PCDHA6: variants seen among roughly 807,000 people sequenced by gnomAD.
PCDHA6 encodes the protein protocadherin alpha-6.
In PCDHA6, 55 loss-of-function variants were observed where a neutral mutation model predicts 60.3. That is an observed-to-expected ratio of 0.91 (90% CI 0.73 to 1.14). The LOEUF (loss-of-function observed/expected upper bound fraction) is 1.14, where lower values mean the gene tolerates loss of function less well. Among genes scored for constraint, PCDHA6 ranks in the 50% most tolerant of loss-of-function variants. The pLI is 0.00. For synonymous variants in PCDHA6, 652 were observed against 557.9 expected, an observed-to-expected ratio of 1.17 and a Z score of -2.38; for missense variants, 1,327 against 1,256.5, an observed-to-expected ratio of 1.06 and a Z score of -0.85.
intron 1 of PCDHA6, among the ~76,000 whole-genome samples, chr5:140,898,613 T>A (rs561301118): frequency 6.6e-6 from 1 of 152,346 alleles, no homozygotes; most frequent in South Asian, 2.1e-4. Flanking sequence ...TAGTTTGAAG[T>A]CAGGTAGCAT....
At chr5:140,888,128 T>C (rs1365856723) in intron 1 of PCDHA6, among the ~76,000 whole-genome samples, 1 of 152,248 alleles carries the variant, frequency 6.6e-6, no homozygotes, top group Non-Finnish European at 1.5e-5. Flanking sequence ...TCTATGGATA[T>C]ATTTTCTTGC....
chr5:140,841,706 A>G, intron 1 of PCDHA6: 2 of 1,613,892 alleles, frequency 1.2e-6, no homozygotes, highest in Non-Finnish European at 1.7e-6. Context: ...TGTTAATGAC[A>G]ACCCGCCAGT....
At chr5:140,931,235 C>T (rs1563126725) in intron 1 of PCDHA6, among the ~76,000 whole-genome samples, 1 of 152,116 alleles carries the variant, frequency 6.6e-6, no homozygotes, top group Non-Finnish European at 1.5e-5. Flanking sequence ...AATATGTGAA[C>T]ACTTTTCCTA....
intron 1 of PCDHA6, chr5:140,882,622 T>C (rs782369081): frequency 1.1e-4 from 185 of 1,614,060 alleles, no homozygotes; most frequent in Non-Finnish European, 1.5e-4. Context: ...AGGTTTTCCA[T>C]GTGGAGGTGA....
chr5:140,861,207 AC>A (rs2046795908), intron 1 of PCDHA6: 1 of 165,948 alleles, frequency 6.0e-6, no homozygotes, highest in East Asian at 1.8e-4. Context: ...TGTTTTACTA[AC>A]CAAAAGAGAG....
At chr5:140,884,137 C>T (rs782067447) in intron 1 of PCDHA6, 4 of 1,613,402 alleles carry the variant, frequency 2.5e-6, no homozygotes, top group Middle Eastern at 1.7e-4. Context: ...TCCCGTTCCG[C>T]GTGGGGCTGT....
At chr5:140,906,502 C>G (rs182726471) in intron 1 of PCDHA6, among the ~76,000 whole-genome samples, 2 of 152,298 alleles carry the variant, frequency 1.3e-5, no homozygotes, top group African/African-American at 4.8e-5. Context: ...ATGTTTTTAA[C>G]AAAGAAGGAG....
At chr5:140,831,064 T>C (rs957849785) in intron 1 of PCDHA6, 1 of 152,230 alleles carries the variant, frequency 6.6e-6, no homozygotes, top group Non-Finnish European at 1.5e-5. Context: ...TGTCCCCCTT[T>C]TAAACCATTG....
chr5:140,854,012 A>G (rs1356134246), intron 1 of PCDHA6: 2 of 368,086 alleles, frequency 5.4e-6, no homozygotes, highest in African/African-American at 4.5e-5. Flanking sequence ...AAAAAAAAAA[A>G]TTAGCCGGGC....
At chr5:140,986,372 G>T (rs570215048) in intron 3 of PCDHA6, among the ~76,000 whole-genome samples, 10 of 152,248 alleles carry the variant, frequency 6.6e-5, no homozygotes, top group African/African-American at 1.2e-4. Flanking sequence ...ATGCGTTTTG[G>T]GGGGAGGGAC....
intron 1 of PCDHA6, chr5:140,836,897 G>C: frequency 3.3e-6 from 2 of 603,578 alleles, no homozygotes; most frequent in Non-Finnish European, 5.5e-6. Flanking sequence ...TTGGAAGTAC[G>C]TTTAATATAC....
At chr5:140,928,321 A>G (rs1296238254) in intron 1 of PCDHA6, 1 of 1,614,162 alleles carries the variant, frequency 6.2e-7, no homozygotes, top group Non-Finnish European at 8.5e-7. Context: ...CCTGGGGAAG[A>G]ATGGCCTTGT....
chr5:140,928,288 C>G, intron 1 of PCDHA6: 2 of 1,614,156 alleles, frequency 1.2e-6, no homozygotes, highest in Non-Finnish European at 1.7e-6. Flanking sequence ...CTCTCTAGGC[C>G]GAGTGTTTGC....
chr5:140,889,766 A>T (rs2062380294), intron 1 of PCDHA6, among the ~76,000 whole-genome samples: 1 of 152,064 alleles, frequency 6.6e-6, no homozygotes, highest in Non-Finnish European at 1.5e-5. Flanking sequence ...TTGAACTTTG[A>T]CTGGTCTTAA....
intron 3 of PCDHA6, among the ~76,000 whole-genome samples, chr5:140,996,311 G>T (rs191577867): frequency 2.6e-5 from 4 of 152,184 alleles, no homozygotes; most frequent in African/African-American, 7.2e-5. Context: ...ACAAAGTAAG[G>T]GGGGAGGGTA....
intron 1 of PCDHA6, among the ~76,000 whole-genome samples, chr5:140,924,896 AAAAAAAAAATAAAATAAAAT>A (rs1488372568): frequency 0.024 from 1,693 of 69,132 alleles, 31 homozygotes; most frequent in African/African-American, 0.08. Context: ...ACCTGTCTCA[AAAAAAAAAATAAAATAAAAT>A]AAAATAAAAT....
intron 1 of PCDHA6, chr5:140,842,218 G>C (rs1554138887): frequency 2.5e-6 from 4 of 1,613,154 alleles, no homozygotes; most frequent in Admixed American, 1.7e-5. Context: ...ATCGAAATAC[G>C]GGAGAAATAG....
chr5:140,946,782 C>T (rs1225488337), intron 1 of PCDHA6, among the ~76,000 whole-genome samples: 1 of 151,104 alleles, frequency 6.6e-6, no homozygotes, highest in African/African-American at 2.4e-5. Flanking sequence ...TGTAAAAAAG[C>T]TGATCTTATA....
At chr5:140,992,949 T>G (rs1554253294) in intron 3 of PCDHA6, among the ~76,000 whole-genome samples, 1 of 152,162 alleles carries the variant, frequency 6.6e-6, no homozygotes, top group Admixed American at 6.5e-5. Context: ...GGAGATTAAA[T>G]CACCCCTTAT....
Sources: allele counts gnomAD v4.1 joint callset (sites outside exome capture counted in the v4.1 genomes callset), GRCh38; gene constraint gnomAD v4.1.1; transcripts MANE v1.5; gene names NCBI Gene and HGNC (gene_info 2026-07-23, HGNC 2026-07-21).